DIS3L2: variants seen among roughly 807,000 people sequenced by gnomAD.
DIS3L2 encodes DIS3-like exonuclease 2.
Under a neutral mutation model 97.5 loss-of-function variants are expected in DIS3L2, and 34 were observed. The ratio of observed to expected loss-of-function variants is 0.35; its 90% CI spans 0.27 to 0.46. The LOEUF (loss-of-function observed/expected upper bound fraction) is 0.46. Among genes scored for constraint, DIS3L2 ranks in the 20% least tolerant of loss-of-function variants. The probability of loss-of-function intolerance (pLI) is 1.00; values close to 1 mark genes in which losing one functional copy is unlikely to be tolerated. For synonymous variants in DIS3L2, 435 were observed against 445.2 expected (o/e 0.98, Z 0.29); for missense variants, 1,038 against 1,146.0 (o/e 0.91, Z 1.36).
chr2:231,963,805 A>G (rs1286824348), intron 1 of DIS3L2, among the ~76,000 whole-genome samples: 1 of 152,020 alleles, frequency 6.6e-6, no homozygotes, highest in Non-Finnish European at 1.5e-5. Flanking sequence ...TGCAGCCTCG[A>G]TTTCCCAGGC....
At chr2:232,201,412 C>A (rs1691890052) in intron 9 of DIS3L2, among the ~76,000 whole-genome samples, 1 of 152,198 alleles carries the variant, frequency 6.6e-6, no homozygotes, top group Admixed American at 6.5e-5. Flanking sequence ...AGGAAACAAT[C>A]TAATAAATCC....
rs1695971353 is a variant in DIS3L2, at chr2:232,336,803, G to A, written c.*173G>A. On this transcript the variant is annotated 3_prime_UTR_variant, in exon 21 of 21. Coordinates refer to ENST00000325385, the MANE Select transcript of DIS3L2 (RefSeq NM_152383.5). ...TTTTAAACAAACTGCAGGGGAGAGGGTGGGGCTGGAAGGAAGGCTGAGGCC... is the reference window on the plus strand; with the variant it reads ...TTTTAAACAAACTGCAGGGGAGAGGATGGGGCTGGAAGGAAGGCTGAGGCC... The A allele has an allele frequency of 2.8e-6, 4 of 1,433,782 alleles. No homozygotes were observed. In the East Asian group the frequency reaches 7.7e-5, roughly 28 times the overall value. 88.8% of individuals were successfully genotyped at this position (1,433,782 alleles called of 1,614,324 possible). A position where few individuals can be genotyped will look rare whatever the true frequency, so the allele number is the denominator to read the frequency against.
chr2:232,212,560 T>G (rs1246834324), intron 10 of DIS3L2, among the ~76,000 whole-genome samples: 1 of 152,154 alleles, frequency 6.6e-6, no homozygotes, highest in Non-Finnish European at 1.5e-5. Context: ...TGGTCAAAGA[T>G]ATGATAGGAA....
chr2:232,121,635 C>T (rs529971258), intron 6 of DIS3L2, among the ~76,000 whole-genome samples: 1 of 152,310 alleles, frequency 6.6e-6, no homozygotes, highest in East Asian at 1.9e-4. Flanking sequence ...GCTCACACGC[C>T]TTAGTGTGCA....
intron 1 of DIS3L2, among the ~76,000 whole-genome samples, chr2:232,010,521 C>G (rs1239708180): frequency 1.3e-5 from 2 of 151,704 alleles, no homozygotes; most frequent in Non-Finnish European, 2.9e-5. Flanking sequence ...TAATTTTGCC[C>G]TCTTTTTTTT....
At chr2:232,134,350 A>G (rs1282645630) in intron 7 of DIS3L2, among the ~76,000 whole-genome samples, 1 of 152,204 alleles carries the variant, frequency 6.6e-6, no homozygotes, top group Non-Finnish European at 1.5e-5. Flanking sequence ...ACAATGTATA[A>G]TGCTGTCCAT....
intron 14 of DIS3L2, among the ~76,000 whole-genome samples, chr2:232,301,880 T>C (rs1471568096): frequency 6.7e-6 from 1 of 148,732 alleles, no homozygotes; most frequent in Non-Finnish European, 1.5e-5. Flanking sequence ...TGTCTCATGA[T>C]GTTCCCTAGG....
chr2:232,249,188 CT>C (rs2106264673), intron 11 of DIS3L2, 50 bp from the exon 12 acceptor site: 1 of 1,588,674 alleles, frequency 6.3e-7, no homozygotes, highest in East Asian at 2.2e-5. Context: ...CACTGGGCTT[CT>C]CCTAAGCGGG....
chr2:232,022,922 A>G (rs533657044), intron 3 of DIS3L2, among the ~76,000 whole-genome samples: 5 of 152,284 alleles, frequency 3.3e-5, no homozygotes, highest in South Asian at 2.1e-4. Context: ...AGCTTTGCCA[A>G]CCTTATCTCC....
At chr2:232,247,465 A>G (rs931039804) in intron 11 of DIS3L2, among the ~76,000 whole-genome samples, 7 of 151,824 alleles carry the variant, frequency 4.6e-5, no homozygotes, top group African/African-American at 1.7e-4. Context: ...ATGCAGAGAG[A>G]GACTTGTGTC....
At chr2:232,242,252 T>A (rs966010445) in intron 11 of DIS3L2, among the ~76,000 whole-genome samples, 5 of 152,232 alleles carry the variant, frequency 3.3e-5, no homozygotes, top group Admixed American at 3.3e-4. Context: ...TGTACCTTGT[T>A]GTTAAAACCT....
intron 10 of DIS3L2, among the ~76,000 whole-genome samples, chr2:232,218,730 C>T (rs997501569): frequency 3.3e-5 from 5 of 152,252 alleles, no homozygotes; most frequent in Admixed American, 2.6e-4. Flanking sequence ...AGACTGTTGT[C>T]ATGGTCTTTT....
At chr2:231,968,324 C>A (rs1335199113) in intron 1 of DIS3L2, among the ~76,000 whole-genome samples, 4 of 152,206 alleles carry the variant, frequency 2.6e-5, no homozygotes, top group Admixed American at 1.3e-4. Context: ...TCTTGATCTC[C>A]TGACCTCGTG....
chr2:232,221,079 G>C (rs1261694774), intron 10 of DIS3L2, among the ~76,000 whole-genome samples: 4 of 137,118 alleles, frequency 2.9e-5, no homozygotes, highest in African/African-American at 1.1e-4. Context: ...TCCAGCCTGG[G>C]TGACAGAACA....
intron 1 of DIS3L2, among the ~76,000 whole-genome samples, chr2:231,992,166 T>A (rs1224253897): frequency 6.6e-6 from 1 of 152,144 alleles, no homozygotes; most frequent in African/African-American, 2.4e-5. Context: ...CATGACCCAC[T>A]TGGGATTGTG....
Position 232,233,355 on chromosome 2 carries a change from T to C in DIS3L2, c.1205-5178T>C, listed in dbSNP as rs565323093. Among the ~76,000 whole-genome samples, 44 of 152,256 alleles carry C rather than the reference T, an allele frequency of 2.9e-4. No homozygotes were observed. The South Asian group carries it at 3.5e-3, about 12-fold the overall frequency. The stretch of plus-strand genomic sequence containing the variant: ...ACCTTCTCATTGCGTCCTTACATAG[T>C]AGAAAGAATGAGAGAGCTGTCTGGG... On this transcript the variant is annotated intron_variant, in intron 10 of 20. Transcript: ENST00000325385.
At chr2:232,106,290 A>G (rs1460848331) in intron 6 of DIS3L2, among the ~76,000 whole-genome samples, 1 of 152,196 alleles carries the variant, frequency 6.6e-6, no homozygotes, top group Non-Finnish European at 1.5e-5. Flanking sequence ...AATGGCTCTT[A>G]GTGGGGCACT....
intron 1 of DIS3L2, among the ~76,000 whole-genome samples, chr2:231,974,481 T>C (rs142370376): frequency 6.6e-6 from 1 of 152,042 alleles, no homozygotes; most frequent in African/African-American, 2.4e-5. Flanking sequence ...TGTTGTCCCA[T>C]TCAGTGTATT....
At chr2:232,089,296 T>G (rs1400839871) in intron 6 of DIS3L2, among the ~76,000 whole-genome samples, 1 of 152,240 alleles carries the variant, frequency 6.6e-6, no homozygotes, top group African/African-American at 2.4e-5. Flanking sequence ...CCACCAGGTA[T>G]CACTGCCTTC....
Sources: allele counts gnomAD v4.1 joint callset (sites outside exome capture counted in the v4.1 genomes callset), GRCh38; gene constraint gnomAD v4.1.1; transcripts MANE v1.5; gene names NCBI Gene and HGNC (gene_info 2026-07-23, HGNC 2026-07-21).